The following CYP46A1 variants were observed in gnomAD, a reference collection of about 807,000 sequenced individuals.
The protein encoded by CYP46A1 is cholesterol 24-hydroxylase.
A neutral mutation model predicts 63.3 loss-of-function variants in CYP46A1; 20 were observed. That is an observed-to-expected ratio of 0.32 (90% CI 0.22 to 0.46). The LOEUF (loss-of-function observed/expected upper bound fraction) is 0.46, where lower values mean the gene tolerates loss of function less well. Among genes scored for constraint, CYP46A1 ranks in the 20% least tolerant of loss-of-function variants. The probability of loss-of-function intolerance (pLI) is 1.00; values close to 1 mark genes in which losing one functional copy is unlikely to be tolerated. For missense variants in CYP46A1, 445 were observed against 670.8 expected (o/e 0.66, Z 3.72); for synonymous variants, 268 against 273.6 (o/e 0.98, Z 0.20).
At position 99,690,344 on chromosome 14, in the gene CYP46A1, C is replaced by T. The variant is rs2056533043; in HGVS notation, c.120-737C>T. On this transcript the variant is annotated intron_variant, in intron 1 of 14. Coordinates refer to ENST00000261835, the MANE Select transcript of CYP46A1 (RefSeq NM_006668.2). ...CCCACACACTCATCCCCAGCCCTTC[C>T]TCTTCCCCGTACTCTGTTCTCTTTT... is the stretch of plus-strand genomic sequence containing the variant. 1.3e-5 allele frequency among the ~76,000 whole-genome samples: 2 copies of T among 152,318 alleles called. 1 individual carries two copies. The highest frequency in any genetic ancestry group is 4.2e-4 in the South Asian group (2 of 4,818).
At chr14:99,721,848 C>T (rs754871822) in intron 11 of CYP46A1, 108 bp from the exon 12 acceptor site, 2 of 805,528 alleles carry the variant, frequency 2.5e-6, no homozygotes, top group Non-Finnish European at 4.2e-6. Flanking sequence ...TGAGGGTATG[C>T]ACTCAGCCTG....
At chr14:99,717,977 G>A (rs564588548) in intron 9 of CYP46A1, 77 bp from the exon 10 acceptor site, 7 of 1,171,296 alleles carry the variant, frequency 6.0e-6, no homozygotes, top group Non-Finnish European at 8.8e-6. Context: ...AGCACTGGCT[G>A]GCATAGAGGC....
chr14:99,687,395 C>T (rs1213494683), intron 1 of CYP46A1, among the ~76,000 whole-genome samples: 1 of 152,186 alleles, frequency 6.6e-6, no homozygotes, highest in Non-Finnish European at 1.5e-5. Flanking sequence ...TCCGATTTGC[C>T]CAGTTGCTGG....
intron 3 of CYP46A1, among the ~76,000 whole-genome samples, chr14:99,698,723 A>G (rs1056743077): frequency 2.0e-5 from 3 of 152,220 alleles, no homozygotes; most frequent in African/African-American, 7.2e-5. Flanking sequence ...GTGGTGCAGC[A>G]GGGATGCTGA....
chr14:99,699,732 G>A (rs2056614589), intron 4 of CYP46A1, among the ~76,000 whole-genome samples, 193 bp downstream of exon 4: 1 of 152,170 alleles, frequency 6.6e-6, no homozygotes, highest in African/African-American at 2.4e-5. Flanking sequence ...CCAACCTCCA[G>A]ATGGCAGGGA....
intron 7 of CYP46A1, chr14:99,707,941 G>C: frequency 2.4e-6 from 1 of 415,926 alleles, no homozygotes; most frequent in South Asian, 3.0e-5. Flanking sequence ...GACTATGATG[G>C]CTCCATGGTG....
At chr14:99,688,777 C>G (rs1003245151) in intron 1 of CYP46A1, among the ~76,000 whole-genome samples, 1 of 152,144 alleles carries the variant, frequency 6.6e-6, no homozygotes, top group African/African-American at 2.4e-5. Context: ...TGCCCCATAC[C>G]TCTCCACCAA....
Position 99,715,843 on chromosome 14 carries a change from G to A in CYP46A1, c.727G>A (p.Val243Ile), listed in dbSNP as rs1372817785. 3 of 1,614,006 alleles carry A rather than the reference G, an allele frequency of 1.9e-6. No homozygotes were observed. Among genetic ancestry groups the A allele is most frequent in the African/African-American group, 2.7e-5 (2 of 74,938 alleles). ...LPGKRKQLRE[V>I]RESIRFLRQV... ...AGGGAAGAGGAAGCAGCTCCGGGAG[G>A]TCCGGGAGAGCATTCGCTTCCTGCG... Residue 243 changes from valine to isoleucine, a missense_variant, in exon 8 of 15, where the codon GTC (valine) becomes ATC (isoleucine). Coordinates refer to ENST00000261835, the MANE Select transcript of CYP46A1 (RefSeq NM_006668.2).
intron 11 of CYP46A1, 71 bp from the exon 12 acceptor site, chr14:99,721,885 C>T: frequency 7.7e-7 from 1 of 1,305,570 alleles, no homozygotes; most frequent in South Asian, 1.2e-5. Context: ...GGGTCCCAGG[C>T]ATGCCGCCGG....
intron 3 of CYP46A1, among the ~76,000 whole-genome samples, chr14:99,696,474 T>G (rs971782991): frequency 6.6e-6 from 1 of 152,214 alleles, no homozygotes; most frequent in Non-Finnish European, 1.5e-5. Context: ...GGTTTATAAT[T>G]TCATCTTTAA....
At chr14:99,705,408 T>TG (rs34065853) in intron 5 of CYP46A1, among the ~76,000 whole-genome samples, 45,654 of 152,014 alleles carry the variant, frequency 0.3, 7,678 homozygotes, top group South Asian at 0.39. Context: ...GACGGAGTCT[T>TG]GCTGTGTTGT....
chr14:99,715,918 G>A lies in CYP46A1; in HGVS notation c.802G>A (p.Gly268Ser), dbSNP rs1301799300. ...VQRRREALKR[G>S]EEVPADILTQ... ...GCGCCGCCGGGAAGCCCTGAAGAGG[G>A]GCGAGGAGGTTCCTGCCGACATCCT... is the stretch of plus-strand genomic sequence containing the variant. The change falls in exon 8 of 15, where the codon GGC becomes AGC. Residue 268 changes from glycine (G) to serine (S), a missense_variant. Gly to Ser is a moderately conservative substitution (Grantham distance 56). Coordinates refer to ENST00000261835, the MANE Select transcript of CYP46A1 (RefSeq NM_006668.2). 6.2e-7 allele frequency: 1 copy of A among 1,613,280 alleles called. No homozygotes were observed. The highest frequency in any genetic ancestry group is 8.5e-7 in the Non-Finnish European group (1 of 1,179,652).
Position 99,722,819 on chromosome 14 carries a change from A to C in CYP46A1, c.1176+753A>C, listed in dbSNP as rs1010911076. 2.4e-6 allele frequency: 1 copy of C among 415,578 alleles called. No individual in the cohort carries two copies. The highest frequency in any genetic ancestry group is 2.0e-5 in the African/African-American group (1 of 49,516). 25.7% of individuals were successfully genotyped at this position (415,578 alleles called of 1,614,324 possible). ...TCAGTTCTCAGGTGACAGGCATTTG[A>C]GAGGTGTCCAGTTTGTCCCTATCTC... On this transcript the variant is annotated intron_variant, in intron 12 of 14. Coordinates refer to ENST00000261835, the MANE Select transcript of CYP46A1 (RefSeq NM_006668.2). This position sits in a 1 kb window ranked among gnomAD's most constrained non-coding sequence, Gnocchi z 4.6.
Position 99,715,813 on chromosome 14 carries a change from C to T in CYP46A1, c.697C>T (p.Leu233=). Residue 233 remains leucine (L), a synonymous_variant, in exon 8 of 15, where the codon CTG becomes TTG. Coordinates refer to ENST00000261835, the MANE Select transcript of CYP46A1 (RefSeq NM_006668.2). ...TASRNTLAKF[L]PGKRKQLREV... Reference sequence around the variant, plus strand: ...TGGAGCTGAAACTCTTGTTTAGTTCCTGCCAGGGAAGAGGAAGCAGCTCCG... The same window carrying T: ...TGGAGCTGAAACTCTTGTTTAGTTCTTGCCAGGGAAGAGGAAGCAGCTCCG... 6.2e-7 allele frequency: 1 copy of T among 1,614,172 alleles called. No homozygotes were observed. Among genetic ancestry groups the T allele is most frequent in the Non-Finnish European group, 8.5e-7 (1 of 1,180,026 alleles).
At chr14:99,711,876 T>C (rs2056735548) in intron 7 of CYP46A1, 1 of 151,904 alleles carries the variant, frequency 6.6e-6, no homozygotes, top group African/African-American at 2.4e-5. Context: ...GATGCAAAAA[T>C]ATTCAACAAA....
At chr14:99,697,039 T>C (rs1410697774) in intron 3 of CYP46A1, among the ~76,000 whole-genome samples, 5 of 152,226 alleles carry the variant, frequency 3.3e-5, no homozygotes, top group African/African-American at 1.2e-4. Flanking sequence ...TTGTCTATTC[T>C]GGGTAGTGGA....
chr14:99,699,608 G>C lies in CYP46A1; in HGVS notation c.356+69G>C, dbSNP rs114946322. On this transcript the variant is annotated intron_variant, in intron 4 of 14. Coordinates refer to ENST00000261835, the MANE Select transcript of CYP46A1 (RefSeq NM_006668.2). ...CCCTGCTGTGAGTGAGGGCCAGTGC[G>C]GTCCAGAATGTGGGGTGTAGAATTG... is the stretch of plus-strand genomic sequence containing the variant. 6.6e-6 allele frequency: 10 copies of C among 1,525,586 alleles called. No homozygotes were observed. In the African/African-American group the frequency reaches 1.1e-4, roughly 17 times the overall value. 94.5% of individuals were successfully genotyped at this position (1,525,586 alleles called of 1,614,324 possible). A position where few individuals can be genotyped will look rare whatever the true frequency, so the allele number is the denominator to read the frequency against.
intron 12 of CYP46A1, among the ~76,000 whole-genome samples, chr14:99,724,411 T>G (rs1191296578): frequency 6.6e-6 from 1 of 152,178 alleles, no homozygotes; most frequent in African/African-American, 2.4e-5. Flanking sequence ...TGCCAAGCTT[T>G]CTTTTTTAAT....
rs764928477 is a variant in CYP46A1 at position 99,725,511 on chromosome 14, G to A, written c.1265+32G>A. On this transcript the variant is annotated intron_variant, in intron 13 of 14. Coordinates refer to ENST00000261835, the MANE Select transcript of CYP46A1 (RefSeq NM_006668.2). This position sits in a 1 kb window ranked among gnomAD's most constrained non-coding sequence, Gnocchi z 4.2. ...CCCTCCTGGAGCTGCCCATGAGTGG[G>A]GCTGGCGGGAGAAGGACAGACACAG... The A allele has an allele frequency of 1.9e-6, 3 of 1,548,572 alleles. No homozygotes were observed. In the Admixed American group the frequency reaches 5.0e-5, roughly 26 times the overall value.
Sources: gnomAD v4.1 joint callset for allele counts (sites outside exome capture counted in the v4.1 genomes callset) on GRCh38, gnomAD v4.1.1 for gene constraint, Gnocchi (gnomAD v3.1) non-coding constraint, MANE v1.5 for transcripts, NCBI Gene and HGNC (gene_info 2026-07-23, HGNC 2026-07-21) for gene names.